Variants in XIRP2 observed in about 807,000 individuals in gnomAD.
XIRP2 encodes xin actin binding repeat containing 2.
A neutral mutation model predicts 277.0 loss-of-function variants in XIRP2; 236 were observed. The observed-to-expected ratio is 0.85, with a 90% CI of 0.77 to 0.95. XIRP2 has a LOEUF of 0.95. XIRP2 is among the 40% of genes least tolerant of loss of function. The pLI, the probability that XIRP2 is intolerant of heterozygous loss-of-function variation, is 0.00. For synonymous variants in XIRP2, 1,490 were observed against 1,416.5 expected (o/e 1.05, Z -1.17); for missense variants, 4,640 against 4,157.5 (o/e 1.12, Z -3.19).
chr2:167,013,999 T>C (rs1687754607), intron 2 of XIRP2, among the ~76,000 whole-genome samples: 1 of 144,878 alleles, frequency 6.9e-6, no homozygotes, highest in Non-Finnish European at 1.5e-5. Flanking sequence ...TTGTTCTGGA[T>C]ATTTAGCATT....
At chr2:166,934,204 AAAAAAAAAAAC>A (rs926658148) in intron 2 of XIRP2, among the ~76,000 whole-genome samples, 4 of 150,770 alleles carry the variant, frequency 2.7e-5, no homozygotes, top group African/African-American at 9.8e-5. Context: ...GCAAAAAAAA[AAAAAAAAAAAC>A]AAAACTAGGG....
At chr2:167,237,229 G>A (rs771794950) in intron 5 of XIRP2, among the ~76,000 whole-genome samples, 3 of 152,150 alleles carry the variant, frequency 2.0e-5, no homozygotes, top group Non-Finnish European at 4.4e-5. Flanking sequence ...TTTTACTCAA[G>A]TAGATACATA....
At chr2:166,944,979 A>T (rs1371818924) in intron 2 of XIRP2, among the ~76,000 whole-genome samples, 2 of 152,114 alleles carry the variant, frequency 1.3e-5, no homozygotes, top group Non-Finnish European at 2.9e-5. Flanking sequence ...CAAAATATTG[A>T]CAGCAGGACT....
At chr2:166,912,003 G>T (rs1369001680) in intron 2 of XIRP2, among the ~76,000 whole-genome samples, 1 of 152,220 alleles carries the variant, frequency 6.6e-6, no homozygotes, top group Non-Finnish European at 1.5e-5. Flanking sequence ...GCTTCACTTT[G>T]TGAGTAACCC....
intron 2 of XIRP2, among the ~76,000 whole-genome samples, chr2:166,955,773 G>A (rs1574112237): frequency 6.6e-6 from 1 of 150,512 alleles, no homozygotes; most frequent in East Asian, 2.0e-4. Flanking sequence ...AAATACCTCT[G>A]TGCATTCATT....
At chr2:166,959,488 C>T (rs1482185516) in intron 2 of XIRP2, among the ~76,000 whole-genome samples, 1 of 151,724 alleles carries the variant, frequency 6.6e-6, no homozygotes, top group African/African-American at 2.4e-5. Flanking sequence ...GTTAGAAATG[C>T]AGGGGGAAGG....
At chr2:167,226,610 A>G (rs1210978321) in intron 5 of XIRP2, among the ~76,000 whole-genome samples, 1 of 152,090 alleles carries the variant, frequency 6.6e-6, no homozygotes, top group Non-Finnish European at 1.5e-5. Context: ...CCAACAAACC[A>G]TTCATTTTTC....
In XIRP2 at chr2:167,249,880, C is replaced by A; in HGVS notation, c.8488C>A (p.Arg2830=). ...EKNQGPSMIG[R]KEERLITERK... ...AAATCAGGGACCATCAATGATTGGTCGAAAAGAAGAGAGATTAATAACTGA... is the reference window on the plus strand; with the variant it reads ...AAATCAGGGACCATCAATGATTGGTAGAAAAGAAGAGAGATTAATAACTGA... The change falls in exon 9 of 11, where the codon CGA becomes AGA. Residue 2830 remains arginine (R), a synonymous_variant. Coordinates refer to ENST00000409195, the MANE Select transcript of XIRP2 (RefSeq NM_152381.6). The A allele has an allele frequency of 6.2e-7, 1 of 1,613,252 alleles. No homozygotes were observed. The highest frequency in any genetic ancestry group is 1.1e-5 in the South Asian group (1 of 91,020).
chr2:166,923,660 G>C (rs1685110392), intron 2 of XIRP2, among the ~76,000 whole-genome samples: 1 of 152,044 alleles, frequency 6.6e-6, no homozygotes, highest in African/African-American at 2.4e-5. Flanking sequence ...TTACATCCCA[G>C]ACAGATGGTA....
intron 2 of XIRP2, among the ~76,000 whole-genome samples, chr2:166,977,760 C>T (rs1686754280): frequency 6.6e-6 from 1 of 152,116 alleles, no homozygotes; most frequent in Admixed American, 6.5e-5. Flanking sequence ...GTTTTTCCAG[C>T]TTACTGCCTG....
intron 2 of XIRP2, among the ~76,000 whole-genome samples, chr2:166,933,092 A>G (rs1162936935): frequency 2.6e-5 from 4 of 151,954 alleles, no homozygotes; most frequent in Non-Finnish European, 5.9e-5. Context: ...ACACATACAC[A>G]CACACACACA....
chr2:167,227,244 T>C (rs947847401), intron 5 of XIRP2, among the ~76,000 whole-genome samples: 4 of 152,252 alleles, frequency 2.6e-5, no homozygotes, highest in Admixed American at 2.6e-4. Context: ...AATAGGAGAC[T>C]GTGAAGAATC....
rs954687931 is a variant in XIRP2 at position 167,230,957 on chromosome 2, C to T, written c.859-8898C>T. Among the ~76,000 whole-genome samples, 4 of 152,042 alleles carry T rather than the reference C, an allele frequency of 2.6e-5. No individual in the cohort carries two copies. The East Asian group carries it at 5.8e-4, about 22-fold the overall frequency. On this transcript the variant is annotated intron_variant, in intron 5 of 10. Coordinates refer to ENST00000409195, the MANE Select transcript of XIRP2 (RefSeq NM_152381.6). ...TGGCCATAACGCAACAGTCCTACCACGCCAATCTCTTACAACCAACTCCCC... is the reference window on the plus strand; with the variant it reads ...TGGCCATAACGCAACAGTCCTACCATGCCAATCTCTTACAACCAACTCCCC...
At chr2:167,232,813 C>T (rs891347665) in intron 5 of XIRP2, among the ~76,000 whole-genome samples, 1 of 151,768 alleles carries the variant, frequency 6.6e-6, no homozygotes, top group Non-Finnish European at 1.5e-5. Flanking sequence ...GAAAAGTGAG[C>T]AAATGTGATA....
chr2:167,027,582 C>T (rs1558953491), intron 2 of XIRP2, among the ~76,000 whole-genome samples: 2 of 152,244 alleles, frequency 1.3e-5, no homozygotes, highest in Non-Finnish European at 2.9e-5. Context: ...GAGAGGTACT[C>T]TGCTTTTTAG....
chr2:167,030,640 A>G (rs902935947), intron 2 of XIRP2, among the ~76,000 whole-genome samples: 2 of 152,218 alleles, frequency 1.3e-5, no homozygotes, highest in Admixed American at 1.3e-4. Context: ...TTATGTGATC[A>G]ATTTTAGAAT....
At chr2:167,044,055 C>T (rs935814671) in intron 2 of XIRP2, among the ~76,000 whole-genome samples, 1 of 152,084 alleles carries the variant, frequency 6.6e-6, no homozygotes, top group Non-Finnish European at 1.5e-5. Context: ...AATTCAGCAG[C>T]ACATCGAAAA....
At chr2:167,131,507 C>T (rs963911960) in intron 2 of XIRP2, among the ~76,000 whole-genome samples, 1 of 152,180 alleles carries the variant, frequency 6.6e-6, no homozygotes, top group South Asian at 2.1e-4. Flanking sequence ...GCCTTCCAAC[C>T]TTTGTACTTC....
Position 167,248,017 on chromosome 2 carries a change from A to T in XIRP2, c.6625A>T (p.Met2209Leu). The change falls in exon 9 of 11, where the codon ATG becomes TTG. Residue 2209 changes from methionine to leucine, a missense_variant. Coordinates refer to ENST00000409195, the MANE Select transcript of XIRP2 (RefSeq NM_152381.6). ...GAAAAAGAATATAAACCTTCAACCA[A>T]TGTGGCAGCTTTTGCCTGTAGAGCA... is the stretch of plus-strand genomic sequence containing the variant. ...IKKKNINLQP[M>L]WQLLPVEQDT... The T allele has an allele frequency of 1.2e-6, 2 of 1,613,414 alleles. No individual in the cohort carries two copies. The highest frequency in any genetic ancestry group is 2.2e-5 in the East Asian group (1 of 44,818).
Sources: allele counts gnomAD v4.1 joint callset (sites outside exome capture counted in the v4.1 genomes callset), GRCh38; gene constraint gnomAD v4.1.1; transcripts MANE v1.5; gene names NCBI Gene and HGNC (gene_info 2026-07-23, HGNC 2026-07-21).